The following FBXL17 variants were observed in gnomAD, a reference collection of about 807,000 sequenced individuals.
The protein encoded by FBXL17 is F-box/LRR-repeat protein 17.
In FBXL17, 22 loss-of-function variants were observed where a neutral mutation model predicts 66.2. The ratio of observed to expected loss-of-function variants is 0.33; its 90% CI spans 0.24 to 0.47. FBXL17 has a LOEUF of 0.47. Among genes scored for constraint, FBXL17 ranks in the 20% least tolerant of loss-of-function variants. The pLI is 1.00. For synonymous variants in FBXL17, 474 were observed against 400.5 expected, an observed-to-expected ratio of 1.18 and a Z score of -2.19; for missense variants, 878 against 948.2, an observed-to-expected ratio of 0.93 and a Z score of 0.97.
intron 7 of FBXL17, among the ~76,000 whole-genome samples, chr5:107,962,293 G>C (rs1242633924): frequency 6.6e-6 from 1 of 152,068 alleles, no homozygotes; most frequent in African/African-American, 2.4e-5. Flanking sequence ...GTTATAATTT[G>C]TAGTATAAAA....
intron 6 of FBXL17, among the ~76,000 whole-genome samples, chr5:108,109,647 A>G (rs1749952916): frequency 6.6e-6 from 1 of 152,084 alleles, no homozygotes; most frequent in African/African-American, 2.4e-5. Context: ...TGAGCCATGA[A>G]CCTAGTAAGG....
intron 5 of FBXL17, among the ~76,000 whole-genome samples, chr5:108,218,095 T>C (rs929702635): frequency 4.1e-4 from 57 of 138,680 alleles, no homozygotes; most frequent in Admixed American, 3.1e-3. Context: ...AAGCTCCACC[T>C]CCCGGGTTCA....
intron 7 of FBXL17, among the ~76,000 whole-genome samples, chr5:107,889,955 T>C (rs1277688033): frequency 6.6e-6 from 1 of 152,202 alleles, no homozygotes; most frequent in East Asian, 1.9e-4. Flanking sequence ...TGGTTTTCAG[T>C]GGTGCTGTAT....
intron 6 of FBXL17, among the ~76,000 whole-genome samples, chr5:108,185,634 G>A (rs1753198064): frequency 6.6e-6 from 1 of 152,198 alleles, no homozygotes; most frequent in African/African-American, 2.4e-5. Context: ...TGAGGCAGAA[G>A]TATTGCTTGA....
In FBXL17 at chr5:108,163,470, G is replaced by A. The variant is rs527649361; in HGVS notation, c.1745+22647C>T. Among the ~76,000 whole-genome samples, 15 of 143,634 alleles carry A rather than the reference G, an allele frequency of 1.0e-4. No homozygotes were observed. In the South Asian group the frequency reaches 1.8e-3, roughly 17 times the overall value. 94.2% of individuals were successfully genotyped at this position (143,634 alleles called of 152,430 possible). A position where few individuals can be genotyped will look rare whatever the true frequency, so the allele number is the denominator to read the frequency against. On this transcript the variant is annotated intron_variant, in intron 6 of 8. Transcript: ENST00000542267. ...GGCTGGAGTGCAGTGGCGCGATCTC[G>A]GCTCACTGCAAGCTCCGCCTCCCGG...
chr5:108,317,214 T>C (rs957554495), intron 4 of FBXL17, among the ~76,000 whole-genome samples: 8 of 151,404 alleles, frequency 5.3e-5, no homozygotes, highest in Non-Finnish European at 4.4e-5. Context: ...ATCAAACCCA[T>C]ATATATTCAT....
At chr5:107,955,007 A>G (rs1751615851) in intron 7 of FBXL17, among the ~76,000 whole-genome samples, 1 of 152,152 alleles carries the variant, frequency 6.6e-6, no homozygotes, top group African/African-American at 2.4e-5. Flanking sequence ...TGGAATATGT[A>G]AAGCACTTTG....
At chr5:108,207,377 C>A (rs987996608) in intron 5 of FBXL17, among the ~76,000 whole-genome samples, 1 of 151,898 alleles carries the variant, frequency 6.6e-6, no homozygotes, top group African/African-American at 2.4e-5. Context: ...TATGGCAGAA[C>A]GTGCAGTTTT....
intron 5 of FBXL17, among the ~76,000 whole-genome samples, chr5:108,219,062 C>T (rs1278440952): frequency 1.3e-5 from 2 of 152,132 alleles, no homozygotes; most frequent in Non-Finnish European, 2.9e-5. Flanking sequence ...CTTTTGTTTA[C>T]AATTTTTGAA....
intron 6 of FBXL17, among the ~76,000 whole-genome samples, chr5:108,142,873 T>C (rs1004815187): frequency 2.0e-5 from 3 of 151,942 alleles, no homozygotes; most frequent in Non-Finnish European, 4.4e-5. Context: ...TTAGGATGAA[T>C]ACCTAATGTA....
rs368675658 is a variant in FBXL17 at position 108,228,507 on chromosome 5, A to G, written c.1507-4279T>C. Among the ~76,000 whole-genome samples, 43 of 152,304 alleles carry G rather than the reference A, an allele frequency of 2.8e-4. No homozygotes were observed. In the South Asian group the frequency reaches 7.0e-3, roughly 25 times the overall value. On this transcript the variant is annotated intron_variant, in intron 4 of 8. Coordinates refer to ENST00000542267, the MANE Select transcript of FBXL17 (RefSeq NM_001163315.3). ...ACACTTTGTTCATTCTATAATATGGAGAAAATTACAGTACCTACCCCACAG... is the reference window on the plus strand; with the variant it reads ...ACACTTTGTTCATTCTATAATATGGGGAAAATTACAGTACCTACCCCACAG...
chr5:108,309,962 T>C (rs1759038771), intron 4 of FBXL17, among the ~76,000 whole-genome samples: 1 of 152,172 alleles, frequency 6.6e-6, no homozygotes, highest in African/African-American at 2.4e-5. Context: ...CTGTTTAAAT[T>C]ATGTTAGATG....
intron 6 of FBXL17, among the ~76,000 whole-genome samples, chr5:108,120,415 AT>A (rs373869645): frequency 6.6e-6 from 1 of 152,236 alleles, no homozygotes; most frequent in Non-Finnish European, 1.5e-5. Flanking sequence ...CATGACACAG[AT>A]AAAAAAAAGC....
intron 6 of FBXL17, among the ~76,000 whole-genome samples, chr5:108,026,671 G>A (rs1754839497): frequency 6.6e-6 from 1 of 152,114 alleles, no homozygotes; most frequent in African/African-American, 2.4e-5. Flanking sequence ...ATTATCTCCG[G>A]ACACTCATTA....
chr5:108,205,451 T>A (rs1192237188), intron 5 of FBXL17, among the ~76,000 whole-genome samples: 1 of 152,218 alleles, frequency 6.6e-6, no homozygotes, highest in Admixed American at 6.5e-5. Context: ...GTTTTCTCAA[T>A]AATCTCAAGG....
chr5:107,988,943 A>G (rs1172912242), intron 7 of FBXL17, among the ~76,000 whole-genome samples: 1 of 152,102 alleles, frequency 6.6e-6, no homozygotes, highest in Non-Finnish European at 1.5e-5. Flanking sequence ...CCAAATGACT[A>G]CTTTAACTCA....
intron 6 of FBXL17, among the ~76,000 whole-genome samples, chr5:108,061,804 A>G (rs1311771428): frequency 1.3e-5 from 2 of 151,904 alleles, no homozygotes; most frequent in East Asian, 3.9e-4. Flanking sequence ...TTTAATTAAA[A>G]CCATGACTTT....
chr5:108,104,097 G>A (rs781767068), intron 6 of FBXL17, among the ~76,000 whole-genome samples: 16 of 152,036 alleles, frequency 1.1e-4, no homozygotes, highest in Non-Finnish European at 1.9e-4. Flanking sequence ...GTGCAGTGGC[G>A]CGATCTTGGC....
chr5:107,959,660 A>G (rs186807280), intron 7 of FBXL17, among the ~76,000 whole-genome samples: 27 of 152,214 alleles, frequency 1.8e-4, no homozygotes, highest in Middle Eastern at 3.4e-3. Flanking sequence ...GTTTTGTCAT[A>G]ATGGTTCTTA....
Sources: allele counts gnomAD v4.1 joint callset (sites outside exome capture counted in the v4.1 genomes callset), GRCh38; gene constraint gnomAD v4.1.1; transcripts MANE v1.5; gene names NCBI Gene and HGNC (gene_info 2026-07-23, HGNC 2026-07-21).